The following DZANK1 variants were observed in gnomAD, a reference collection of about 807,000 sequenced individuals.
The protein encoded by DZANK1 is double zinc ribbon and ankyrin repeat domains 1.
DZANK1 carries 91 observed loss-of-function variants against 94.5 expected under a neutral mutation model. That is an observed-to-expected ratio of 0.96 (90% CI 0.81 to 1.15). The LOEUF is 1.15. DZANK1 is among the 50% of genes most tolerant of loss of function. The pLI, the probability that DZANK1 is intolerant of heterozygous loss-of-function variation, is 0.00. For missense variants in DZANK1, 903 were observed against 916.4 expected (o/e 0.99, Z 0.19); for synonymous variants, 312 against 325.3 (o/e 0.96, Z 0.44).
intron 13 of DZANK1, among the ~76,000 whole-genome samples, chr20:18,402,879 C>T (rs1267901775): frequency 6.6e-6 from 1 of 152,142 alleles, no homozygotes; most frequent in Non-Finnish European, 1.5e-5. Flanking sequence ...TACTTTAGAG[C>T]CATCTAGAAA....
chr20:18,433,729 T>C (rs200306596), exon 9 of DZANK1: 2 of 1,614,014 alleles, frequency 1.2e-6, no homozygotes, highest in Non-Finnish European at 1.7e-6. Flanking sequence ...GGAGTGTTCA[T>C]GGGTACCAAG....
chr20:18,429,126 G>T (rs1169634258), intron 9 of DZANK1, among the ~76,000 whole-genome samples: 11 of 152,188 alleles, frequency 7.2e-5, no homozygotes, highest in Non-Finnish European at 1.2e-4. Flanking sequence ...TGTTGCCTCA[G>T]AAAAGATCTG....
chr20:18,403,846 T>A (rs928030613), intron 13 of DZANK1, among the ~76,000 whole-genome samples: 1 of 141,758 alleles, frequency 7.1e-6, no homozygotes, highest in African/African-American at 2.7e-5. Flanking sequence ...GTTGCCCAGG[T>A]AGGAGTGCAG....
chr20:18,460,468 G>A (rs545417210), intron 2 of DZANK1, among the ~76,000 whole-genome samples, 162 bp from the exon 3 acceptor site: 5 of 152,286 alleles, frequency 3.3e-5, no homozygotes, highest in East Asian at 3.9e-4. Flanking sequence ...TGTGGCTCAC[G>A]CCTGTAATCC....
chr20:18,387,508 T>A (rs2048577058), intron 19 of DZANK1, among the ~76,000 whole-genome samples: 2 of 152,240 alleles, frequency 1.3e-5, no homozygotes, highest in South Asian at 4.1e-4. Context: ...AGACTGATGC[T>A]TGCATCTTCC....
In DZANK1 at chr20:18,456,469, G is replaced by A. The variant is rs147499737; in HGVS notation, c.264-1108C>T. ...ATCTATTTTAAGTTTCTGGTTCAAC[G>A]GAATTCAGTCAATGTAATGTACACA... On this transcript the variant is annotated intron_variant, in intron 3 of 20. Transcript: ENST00000262547. Among the ~76,000 whole-genome samples, 273 of 152,144 alleles carry A rather than the reference G, an allele frequency of 1.8e-3. 1 individual carries two copies. Among genetic ancestry groups the A allele is most frequent in the African/African-American group, 6.2e-3 (258 of 41,508 alleles).
intron 12 of DZANK1, 82 bp from the exon 13 acceptor site, chr20:18,412,935 A>G (rs2090123738): frequency 7.9e-7 from 1 of 1,272,156 alleles, no homozygotes; most frequent in Admixed American, 2.4e-5. Context: ...AACAACTCTA[A>G]TCAGAATAAA....
intron 9 of DZANK1, 143 bp downstream of exon 9, chr20:18,433,509 T>C (rs969128819): frequency 1.5e-6 from 1 of 685,068 alleles, no homozygotes; most frequent in South Asian, 1.8e-5. Flanking sequence ...GCTACTGCAC[T>C]CCAGCCTGTG....
At chr20:18,419,194 G>T (rs551563510) in intron 10 of DZANK1, among the ~76,000 whole-genome samples, 1 of 151,468 alleles carries the variant, frequency 6.6e-6, no homozygotes, top group African/African-American at 2.4e-5. Flanking sequence ...CCTGGGAGGC[G>T]GAGGTTGCAG....
intron 13 of DZANK1, among the ~76,000 whole-genome samples, chr20:18,402,192 C>T (rs974239345): frequency 6.6e-6 from 1 of 152,066 alleles, no homozygotes; most frequent in African/African-American, 2.4e-5. Flanking sequence ...GCTCCCCCAA[C>T]CCCCAGAAAT....
At chr20:18,434,545 C>CAAAAAAAAAAAAAAAA (rs55680576) in intron 8 of DZANK1, among the ~76,000 whole-genome samples, 1 of 47,560 alleles carries the variant, frequency 2.1e-5, no homozygotes, top group African/African-American at 8.3e-5. Flanking sequence ...GACTCCTGCT[C>CAAAAAAAAAAAAAAAA]AAAAAAAAAA....
intron 13 of DZANK1, among the ~76,000 whole-genome samples, chr20:18,399,263 C>A (rs2056534562): frequency 6.6e-6 from 1 of 152,124 alleles, no homozygotes; most frequent in Non-Finnish European, 1.5e-5. Flanking sequence ...GGATCTCACT[C>A]TGTTGCCCAG....
chr20:18,433,831 T>C, intron 8 of DZANK1, 66 bp from the exon 9 acceptor site: 1 of 1,414,058 alleles, frequency 7.1e-7, no homozygotes, highest in Non-Finnish European at 9.9e-7. Flanking sequence ...GATCTTAGAA[T>C]GTAAGGTTTG....
At chr20:18,431,672 T>G (rs1158846502) in intron 9 of DZANK1, among the ~76,000 whole-genome samples, 1 of 152,198 alleles carries the variant, frequency 6.6e-6, no homozygotes, top group Non-Finnish European at 1.5e-5. Context: ...GAGGTTATGA[T>G]GATAAAAATC....
intron 1 of DZANK1, among the ~76,000 whole-genome samples, chr20:18,466,665 C>G (rs1395826838): frequency 6.6e-6 from 1 of 152,182 alleles, no homozygotes. Context: ...AGCAGCTGCC[C>G]TTAGGAAGCT....
At chr20:18,440,392 G>A (rs921370407) in intron 8 of DZANK1, among the ~76,000 whole-genome samples, 6 of 152,078 alleles carry the variant, frequency 3.9e-5, no homozygotes, top group African/African-American at 1.4e-4. Context: ...TCTCTATAAG[G>A]TGTGCACATA....
At chr20:18,430,018 C>A (rs777929858) in intron 9 of DZANK1, among the ~76,000 whole-genome samples, 3 of 152,160 alleles carry the variant, frequency 2.0e-5, no homozygotes, top group Admixed American at 6.5e-5. Context: ...TTGCAACATA[C>A]TGAATAGTTG....
intron 10 of DZANK1, among the ~76,000 whole-genome samples, chr20:18,417,103 G>C (rs2057532809): frequency 6.7e-6 from 1 of 149,926 alleles, no homozygotes; most frequent in Non-Finnish European, 1.5e-5. Flanking sequence ...ACAAAGAAAA[G>C]ACATAAAGCT....
exon 21 of DZANK1, chr20:18,384,364 G>T: frequency 6.3e-7 from 1 of 1,579,808 alleles, no homozygotes. Flanking sequence ...AGCCATGCAC[G>T]TATTCTTAAA....
Sources: gnomAD v4.1 joint callset for allele counts (sites outside exome capture counted in the v4.1 genomes callset) on GRCh38, gnomAD v4.1.1 for gene constraint, MANE v1.5 for transcripts, NCBI Gene and HGNC (gene_info 2026-07-23, HGNC 2026-07-21) for gene names.